TUBGCP5: variants seen among roughly 807,000 people sequenced by gnomAD.
TUBGCP5 encodes the protein gamma-tubulin complex component 5.
TUBGCP5 carries 98 observed loss-of-function variants against 134.7 expected under a neutral mutation model. The ratio of observed to expected loss-of-function variants is 0.73; its 90% CI spans 0.62 to 0.86. The LOEUF (loss-of-function observed/expected upper bound fraction) is 0.86, where lower values mean the gene tolerates loss of function less well. TUBGCP5 is among the 40% of genes least tolerant of loss of function. The pLI, the probability that TUBGCP5 is intolerant of heterozygous loss-of-function variation, is 0.00. For missense variants in TUBGCP5, 1,150 were observed against 1,244.8 expected, an observed-to-expected ratio of 0.92 and a Z score of 1.15; for synonymous variants, 456 against 431.4, an observed-to-expected ratio of 1.06 and a Z score of -0.71.
Position 23,031,040 on chromosome 15 carries a change from C to T in TUBGCP5, c.487-20G>A, listed in dbSNP as rs201344468. 7 of 1,602,436 alleles carry T rather than the reference C, an allele frequency of 4.4e-6. No homozygotes were observed. Among genetic ancestry groups the T allele is most frequent in the East Asian group, 4.5e-5 (2 of 44,750 alleles). On this transcript the variant is annotated intron_variant, in intron 5 of 22. Coordinates refer to ENST00000615383, the MANE Select transcript of TUBGCP5 (RefSeq NM_052903.6). ...CCAATTCTGATTTAAAAAAGAGATA[C>T]ACTTTAGCTTTACAGAGTATAACAC...
At chr15:23,032,682 C>G (rs763553505) in intron 4 of TUBGCP5, 46 bp downstream of exon 4, 1 of 1,346,184 alleles carries the variant, frequency 7.4e-7, no homozygotes, top group Non-Finnish European at 1.0e-6. Flanking sequence ...AGTAATCAAA[C>G]AATTTCTCTT....
At chr15:23,024,319 G>A (rs1405468535) in intron 9 of TUBGCP5, 126 bp from the exon 10 acceptor site, 1 of 980,724 alleles carries the variant, frequency 1.0e-6, no homozygotes, top group African/African-American at 1.6e-5. Flanking sequence ...AGAAGACAAA[G>A]TAATAATATG....
intron 6 of TUBGCP5, among the ~76,000 whole-genome samples, chr15:23,027,582 C>CT (rs1555443855): frequency 4.6e-5 from 7 of 151,642 alleles, no homozygotes; most frequent in Middle Eastern, 3.2e-3. Flanking sequence ...TATGACCCCC[C>CT]ATCTCCACAA....
At position 23,028,373 on chromosome 15, in the gene TUBGCP5, C is replaced by T. The variant is rs561178622; in HGVS notation, c.623-1067G>A. Among the ~76,000 whole-genome samples, 479 of 123,528 alleles carry T rather than the reference C, an allele frequency of 3.9e-3. 5 individuals carry two copies. Among genetic ancestry groups the T allele is most frequent in the African/African-American group, 0.015 (456 of 30,772 alleles). 81.0% of individuals were successfully genotyped at this position (123,528 alleles called of 152,430 possible). A position where few individuals can be genotyped will look rare whatever the true frequency, so the allele number is the denominator to read the frequency against. On this transcript the variant is annotated intron_variant, in intron 6 of 22. Transcript: ENST00000615383. Reference sequence around the variant, plus strand: ...CCAGCCTGGGTGACAGAGCAGGGCCCGGTCTTAAAAAAAAAAAAAAAAAAA... The same window carrying T: ...CCAGCCTGGGTGACAGAGCAGGGCCTGGTCTTAAAAAAAAAAAAAAAAAAA...
At chr15:23,023,790 G>A (rs958136934) in intron 10 of TUBGCP5, 157 bp downstream of exon 10, 4 of 676,310 alleles carry the variant, frequency 5.9e-6, no homozygotes, top group African/African-American at 5.5e-5. Context: ...AGATATGAAT[G>A]GCTTAAAAAT....
downstream of TUBGCP5, among the ~76,000 whole-genome samples, chr15:22,994,234 C>G (rs2063966232): frequency 6.6e-6 from 1 of 152,002 alleles, no homozygotes. Context: ...ATTAGAGGTG[C>G]CCACCACCAC....
chr15:22,998,022 CT>C (rs1196046382), downstream of TUBGCP5, among the ~76,000 whole-genome samples: 4 of 151,824 alleles, frequency 2.6e-5, no homozygotes, highest in African/African-American at 9.7e-5. Flanking sequence ...ACAAAAATTG[CT>C]CAGAAATATT....
intron 23 of TUBGCP5, among the ~76,000 whole-genome samples, chr15:22,988,449 T>C (rs2063744237): frequency 6.6e-6 from 1 of 151,798 alleles, no homozygotes; most frequent in Non-Finnish European, 1.5e-5. Context: ...ATCTGGTTTT[T>C]TTGGCCGGTT....
chr15:23,004,034 A>G, intron 20 of TUBGCP5, 68 bp downstream of exon 20: 1 of 1,520,264 alleles, frequency 6.6e-7, no homozygotes, highest in Non-Finnish European at 8.8e-7. Context: ...TCATCATAAA[A>G]TTCCAAAGCA....
Position 23,001,215 on chromosome 15 carries a change from G to T in TUBGCP5, c.2928-546C>A, listed in dbSNP as rs1013646908. Among the ~76,000 whole-genome samples the T allele has an allele frequency of 7.3e-5, 11 of 151,484 alleles. No individual in the cohort carries two copies. In the East Asian group the frequency reaches 1.8e-3, roughly 24 times the overall value. ...CCACCACCATGTCTGGCTAATTTTT[G>T]TATTTTTTGTAGAGATGGGGTTTCG... is the stretch of plus-strand genomic sequence containing the variant. On this transcript the variant is annotated intron_variant, in intron 21 of 22. Transcript: ENST00000615383.
At position 23,019,246 on chromosome 15, in the gene TUBGCP5, T is replaced by G. The variant is rs1284318205; in HGVS notation, c.1460A>C (p.Asp487Ala). The G allele has an allele frequency of 6.2e-7, 1 of 1,613,664 alleles. No homozygotes were observed. Among genetic ancestry groups the G allele is most frequent in the Admixed American group, 1.7e-5 (1 of 59,988 alleles). ...DEWIVHGHLWDGAREFIIQRN... is the reference protein window; with the variant it reads ...DEWIVHGHLWAGAREFIIQRN... ...CTGGATGATGAACTCCCTGGCGCCA[T>G]CCCACAGGTGCCCGTGCACGATCCA... The change falls in exon 12 of 23, where the codon GAT (aspartate) becomes GCT (alanine). Residue 487 changes from aspartate (D) to alanine (A), a missense_variant. This residue lies in a region of TUBGCP5 where 697 missense variants were observed against 850.1 expected (regional missense o/e 0.82). Coordinates refer to ENST00000615383, the MANE Select transcript of TUBGCP5 (RefSeq NM_052903.6).
intron 23 of TUBGCP5, among the ~76,000 whole-genome samples, chr15:22,992,442 A>G (rs1595786470): frequency 6.6e-6 from 1 of 152,172 alleles, no homozygotes; most frequent in Non-Finnish European, 1.5e-5. Flanking sequence ...CAAGTCCACG[A>G]TTATCCACAG....
At chr15:23,009,093 C>T (rs2064885411) in intron 15 of TUBGCP5, among the ~76,000 whole-genome samples, 1 of 151,954 alleles carries the variant, frequency 6.6e-6, no homozygotes, top group African/African-American at 2.4e-5. Flanking sequence ...TCTTCTATAA[C>T]ATTATAGAAA....
Position 23,019,275 on chromosome 15 carries a change from G to A in TUBGCP5, c.1431C>T (p.Asp477=), listed in dbSNP as rs201334511. 1.7e-4 allele frequency: 271 copies of A among 1,613,906 alleles called. No individual in the cohort carries two copies. The highest frequency in any genetic ancestry group is 2.2e-4 in the Non-Finnish European group (260 of 1,179,994). The change falls in exon 12 of 23, where the codon GAC becomes GAT. Residue 477 remains aspartate, a synonymous_variant. Coordinates refer to ENST00000615383, the MANE Select transcript of TUBGCP5 (RefSeq NM_052903.6). ...ACAGGTGCCCGTGCACGATCCACTC[G>A]TCCACCGTCTGCAGGTAAGGCCGCA... ...ETVRPYLQTV[D]EWIVHGHLWD...
intron 3 of TUBGCP5, among the ~76,000 whole-genome samples, chr15:23,035,389 G>A (rs192857699): frequency 4.6e-5 from 7 of 151,412 alleles, no homozygotes; most frequent in Non-Finnish European, 1.0e-4. Flanking sequence ...ATCCCCAACC[G>A]TTTTGGCACC....
In TUBGCP5 at chr15:23,010,047, T is replaced by C. The variant is rs1180323270; in HGVS notation, c.2042A>G (p.Gln681Arg). The C allele has an allele frequency of 1.2e-6, 2 of 1,614,190 alleles. No homozygotes were observed. Residue 681 changes from glutamine (Q) to arginine (R), a missense_variant, in exon 15 of 23, where the codon CAG (glutamine) becomes CGG (arginine). Gln to Arg is a conservative substitution (Grantham distance 43). This residue lies in a region of TUBGCP5 where 697 missense variants were observed against 850.1 expected (regional missense o/e 0.82). Transcript: ENST00000615383. The part of the protein sequence containing the change: ...VDRSSESVTC[Q>R]TFELTLRSCL... Reference sequence around the variant, plus strand: ...GGATCTCAGCGTTAATTCAAAAGTCTGGCATGTCACAGATTCCGATGATCT... The same window carrying C: ...GGATCTCAGCGTTAATTCAAAAGTCCGGCATGTCACAGATTCCGATGATCT...
rs966433991 is a variant in TUBGCP5 at position 23,018,893 on chromosome 15, T to C, written c.1487+326A>G. On this transcript the variant is annotated intron_variant, in intron 12 of 22. Transcript: ENST00000615383. ...CTTTACTGATAATTTACAATGGAAA[T>C]AGCTGAAACCATATGATATCATCTA... Among the ~76,000 whole-genome samples the C allele has an allele frequency of 3.3e-5, 5 of 152,166 alleles. 1 individual carries two copies. Among genetic ancestry groups the C allele is most frequent in the African/African-American group, 1.2e-4 (5 of 41,442 alleles).
At chr15:23,002,798 A>G (rs537636320) in intron 21 of TUBGCP5, among the ~76,000 whole-genome samples, 1 of 152,130 alleles carries the variant, frequency 6.6e-6, no homozygotes, top group South Asian at 2.1e-4. Context: ...ACAATATAAC[A>G]TGAGTATAAT....
At chr15:23,006,748 C>A (rs937927287) in intron 16 of TUBGCP5, among the ~76,000 whole-genome samples, 1 of 152,042 alleles carries the variant, frequency 6.6e-6, no homozygotes, top group Non-Finnish European at 1.5e-5. Context: ...AGTACTGCTT[C>A]GAGAGCCCCA....
Sources: gnomAD v4.1 joint callset for allele counts (sites outside exome capture counted in the v4.1 genomes callset) on GRCh38, gnomAD v4.1.1 for gene constraint, gnomAD v4.1.1 regional missense constraint, MANE v1.5 for transcripts, NCBI Gene and HGNC (gene_info 2026-07-23, HGNC 2026-07-21) for gene names.